TTLL3: variants seen among roughly 807,000 people sequenced by gnomAD.
TTLL3 encodes tubulin tyrosine ligase like 3, also known as tubulin monoglycylase TTLL3.
In TTLL3, 63 loss-of-function variants were observed where a neutral mutation model predicts 75.2. The ratio of observed to expected loss-of-function variants is 0.84; its 90% CI spans 0.68 to 1.03. The LOEUF is 1.03. Among genes scored for constraint, TTLL3 ranks in the 50% least tolerant of loss-of-function variants. The probability of loss-of-function intolerance (pLI) is 0.00; values close to 1 mark genes in which losing one functional copy is unlikely to be tolerated. For synonymous variants in TTLL3, 393 were observed against 418.5 expected, an observed-to-expected ratio of 0.94 and a Z score of 0.74; for missense variants, 997 against 1,069.9, an observed-to-expected ratio of 0.93 and a Z score of 0.95.
intron 7 of TTLL3, 183 bp from the exon 8 acceptor site, chr3:9,820,363 T>A: frequency 6.8e-7 from 1 of 1,463,094 alleles, no homozygotes. Flanking sequence ...GGGCAAGTGC[T>A]AGAGTTGCAG....
chr3:9,829,703 GT>G (rs1352615519), intron 11 of TTLL3, among the ~76,000 whole-genome samples: 1 of 152,150 alleles, frequency 6.6e-6, no homozygotes, highest in Admixed American at 6.5e-5. Flanking sequence ...TCAAATTCCT[GT>G]TCAGTGACAA....
chr3:9,825,903 C>T lies in TTLL3; in HGVS notation c.958C>T (p.Arg320Cys), dbSNP rs376378357. The T allele has an allele frequency of 4.1e-5, 66 of 1,614,046 alleles. 1 individual carries two copies. The highest frequency in any genetic ancestry group is 6.6e-5 in the South Asian group (6 of 91,092). Residue 320 changes from arginine (R) to cysteine (C), a missense_variant, in exon 9 of 14, where the codon CGC (arginine) becomes TGC (cysteine). Transcript: ENST00000685419. ...ACCCCAGATAGACATGGAAGGGGAT[C>T]GCAACATCTGGATCGTGAAGCCAGG... ...VVPQIDMEGD[R>C]NIWIVKPGAK...
At position 9,813,316 on chromosome 3, in the gene TTLL3, G is replaced by C. The variant is rs1165878791; in HGVS notation, c.286G>C (p.Asp96His). 6.2e-7 allele frequency: 1 copy of C among 1,614,104 alleles called. No individual in the cohort carries two copies. Among genetic ancestry groups the C allele is most frequent in the African/African-American group, 1.3e-5 (1 of 74,940 alleles). The change falls in exon 4 of 14, where the codon GAT becomes CAT. Residue 96 changes from aspartate to histidine, a missense_variant. Physicochemically the swap from Asp to His is moderately conservative, Grantham distance 81. Coordinates refer to ENST00000685419, the MANE Select transcript of TTLL3 (RefSeq NM_001387446.1). ...LFDFDDLLKF[D>H]DLDGTHALMS... is the part of the protein sequence containing the mutation. ...CGACTTCGATGATTTACTGAAATTT[G>C]ATGACCTAGATGGAACACATGCTCT...
chr3:9,834,530 T>G, intron 12 of TTLL3, 151 bp from the exon 13 acceptor site: 1 of 1,264,530 alleles, frequency 7.9e-7, no homozygotes, highest in Non-Finnish European at 1.1e-6. Context: ...CCTGTTTTCT[T>G]CTCACTGCCT....
intron 11 of TTLL3, among the ~76,000 whole-genome samples, chr3:9,830,463 C>T (rs985250705): frequency 1.3e-5 from 2 of 152,128 alleles, no homozygotes; most frequent in African/African-American, 2.4e-5. Flanking sequence ...GATTAGCCTC[C>T]GGTTTCTGTC....
chr3:9,814,149 CAA>C, intron 4 of TTLL3, among the ~76,000 whole-genome samples: 1 of 150,160 alleles, frequency 6.7e-6, no homozygotes, highest in Admixed American at 6.6e-5. Flanking sequence ...AAAAAACAAA[CAA>C]ATAAAAAAAC....
At position 9,833,041 on chromosome 3, in the gene TTLL3, C is replaced by T. The variant is rs540843136; in HGVS notation, c.1684-63C>T. ...TTCCACCCATCTCTACTCTGGGTCC[C>T]GCTGGGCCAAGGATTCCAGTACCAC... On this transcript the variant is annotated intron_variant, in intron 11 of 13. Transcript: ENST00000685419. 1,354 of 1,594,256 alleles carry T rather than the reference C, an allele frequency of 8.5e-4. 5 individuals carry two copies. Among genetic ancestry groups the T allele is most frequent in the Middle Eastern group, 6.0e-3 (36 of 5,992 alleles).
intron 9 of TTLL3, among the ~76,000 whole-genome samples, chr3:9,826,725 C>CAA (rs36060940): frequency 1.8e-3 from 138 of 75,098 alleles, no homozygotes; most frequent in African/African-American, 2.2e-3. Context: ...AGGGCTGTCT[C>CAA]AAAAAAAAAA....
intron 11 of TTLL3, among the ~76,000 whole-genome samples, chr3:9,831,097 A>G (rs9835132): frequency 0.63 from 95,928 of 151,802 alleles, 31,270 homozygotes; most frequent in Non-Finnish European, 0.7. Flanking sequence ...CACCGCGCCA[A>G]GCCCTCTAAA....
At chr3:9,809,955 C>T (rs1464756820), upstream of TTLL3, 9 of 156,714 alleles carry the variant, frequency 5.7e-5, no homozygotes, top group African/African-American at 1.7e-3. Flanking sequence ...GGCGGCGACG[C>T]GGAGGGGCGC....
rs1158621275 is a variant in TTLL3 at position 9,817,697 on chromosome 3, C to T, written c.497C>T (p.Ala166Val). 1 of 1,614,116 alleles carries T rather than the reference C, an allele frequency of 6.2e-7. No individual in the cohort carries two copies. Among genetic ancestry groups the T allele is most frequent in the South Asian group, 1.1e-5 (1 of 91,074 alleles). The change falls in exon 6 of 14, where the codon GCC becomes GTC. Residue 166 changes from alanine (A) to valine (V), a missense_variant. Transcript: ENST00000685419. ...RNLPWFDEVD[A>V]NSFFPRCYCL... is the part of the protein sequence containing the mutation. ...TTGCCGTGGTTTGATGAGGTTGATGCCAACTCCTTCTTCCCACGCTGCTAC... is the reference window on the plus strand; with the variant it reads ...TTGCCGTGGTTTGATGAGGTTGATGTCAACTCCTTCTTCCCACGCTGCTAC...
chr3:9,819,035 A>G (rs1239374760), intron 7 of TTLL3, 115 bp downstream of exon 7: 2 of 1,354,224 alleles, frequency 1.5e-6, no homozygotes, highest in African/African-American at 1.4e-5. Context: ...GTTCATCCAC[A>G]CATCTGTGTA....
Position 9,835,603 on chromosome 3 carries a change from G to A in TTLL3, c.*114G>A. 1 of 1,067,746 alleles carries A rather than the reference G, an allele frequency of 9.4e-7. No individual in the cohort carries two copies. The highest frequency in any genetic ancestry group is 1.3e-6 in the Non-Finnish European group (1 of 749,294). The allele number at this position is 1,067,746 out of a possible 1,614,324, so 66.1% of individuals were successfully genotyped here. On this transcript the variant is annotated 3_prime_UTR_variant, in exon 14 of 14. Coordinates refer to ENST00000685419, the MANE Select transcript of TTLL3 (RefSeq NM_001387446.1). ...TCTCCGATCCAGGGGTGGGGAGCGTGAGCCTTCACTTTACAGATGAAGAAA... is the reference window on the plus strand; with the variant it reads ...TCTCCGATCCAGGGGTGGGGAGCGTAAGCCTTCACTTTACAGATGAAGAAA...
upstream of TTLL3, chr3:9,809,966 G>GGGATCAGGGGCCCTGGGAGGGCGGGCGCT (rs1377355742): frequency 1.5e-6 from 2 of 1,294,618 alleles, no homozygotes; most frequent in Non-Finnish European, 1.9e-6. Context: ...GGAGGGGCGC[G>GGGATCAGGGGCCCTGGGAGGGCGGGCGCT]GGATCAGGGG....
intron 7 of TTLL3, 194 bp downstream of exon 7, chr3:9,819,114 C>A: frequency 1.4e-6 from 1 of 696,386 alleles, no homozygotes; most frequent in Non-Finnish European, 2.4e-6. Context: ...CACGTATTCA[C>A]CCACTCTCTG....
At chr3:9,810,003 G>A, upstream of TTLL3, 1 of 1,301,832 alleles carries the variant, frequency 7.7e-7, no homozygotes, top group South Asian at 2.3e-5. This position sits in a 1 kb window ranked among gnomAD's most constrained non-coding sequence, Gnocchi z 4.4. Context: ...GCGGCGAGGG[G>A]CGCATGCAGG....
At chr3:9,824,768 T>G (rs1342072186) in intron 8 of TTLL3, among the ~76,000 whole-genome samples, 1 of 120,472 alleles carries the variant, frequency 8.3e-6, no homozygotes, top group Non-Finnish European at 1.7e-5. Flanking sequence ...TGAGACGGAA[T>G]CTTGCTCTGT....
chr3:9,835,588 A>T lies in TTLL3; in HGVS notation c.*99A>T. 2.5e-6 allele frequency: 3 copies of T among 1,201,732 alleles called. No individual in the cohort carries two copies. The highest frequency in any genetic ancestry group is 3.5e-6 in the Non-Finnish European group (3 of 866,902). 74.4% of individuals were successfully genotyped at this position (1,201,732 alleles called of 1,614,324 possible). Reference sequence around the variant, plus strand: ...GGGACTCCCCCAGCATCTCCGATCCAGGGGTGGGGAGCGTGAGCCTTCACT... The same window carrying T: ...GGGACTCCCCCAGCATCTCCGATCCTGGGGTGGGGAGCGTGAGCCTTCACT... On this transcript the variant is annotated 3_prime_UTR_variant, in exon 14 of 14. Transcript: ENST00000685419.
chr3:9,819,969 G>A (rs2080257945), intron 7 of TTLL3: 1 of 986,678 alleles, frequency 1.0e-6, no homozygotes, highest in African/African-American at 1.7e-5. Flanking sequence ...GCGATGTTCA[G>A]GGGTGAGTCA....
Sources: allele counts gnomAD v4.1 joint callset (sites outside exome capture counted in the v4.1 genomes callset), GRCh38; gene constraint gnomAD v4.1.1; non-coding constraint Gnocchi (gnomAD v3.1); transcripts MANE v1.5; gene names NCBI Gene and HGNC (gene_info 2026-07-23, HGNC 2026-07-21).